Variants in ARHGEF18 observed in about 807,000 individuals in gnomAD.
The protein encoded by ARHGEF18 is rho guanine nucleotide exchange factor 18.
A neutral mutation model predicts 155.7 loss-of-function variants in ARHGEF18; 93 were observed. The observed-to-expected ratio is 0.60, with a 90% CI of 0.50 to 0.71. The LOEUF (loss-of-function observed/expected upper bound fraction) is 0.71, where lower values mean the gene tolerates loss of function less well. ARHGEF18 is among the 30% of genes least tolerant of loss of function. The pLI, the probability that ARHGEF18 is intolerant of heterozygous loss-of-function variation, is 0.00. For missense variants in ARHGEF18, 1,593 were observed against 1,816.1 expected (o/e 0.88, Z 2.23); for synonymous variants, 742 against 753.1 (o/e 0.99, Z 0.24).
At chr19:7,446,878 A>G (rs1975025985) in intron 14 of ARHGEF18, among the ~76,000 whole-genome samples, 165 bp from the exon 15 acceptor site, 1 of 150,386 alleles carries the variant, frequency 6.6e-6, no homozygotes, top group Admixed American at 6.6e-5. Flanking sequence ...CCTGAGCCAC[A>G]GAGCAAGATG....
chr19:7,375,687 G>T (rs1970430529), intron 3 of ARHGEF18, 33 bp from the exon 4 acceptor site: 22 of 1,233,858 alleles, frequency 1.8e-5, no homozygotes, highest in Non-Finnish European at 1.4e-5. Context: ...GGCAAGACCT[G>T]CTGAAGCCCC....
downstream of ARHGEF18, among the ~76,000 whole-genome samples, chr19:7,473,852 G>A (rs1205696381): frequency 1.0e-4 from 15 of 149,988 alleles, no homozygotes; most frequent in East Asian, 2.0e-4. Flanking sequence ...GTATGGTGGC[G>A]TGCACCTGTA....
In ARHGEF18 at chr19:7,431,529, A is replaced by AAAG. The variant is rs1555718292; in HGVS notation, c.968-8813_968-8812insGAA. Among the ~76,000 whole-genome samples, 8 of 146,962 alleles carry AAAG rather than the reference A, an allele frequency of 5.4e-5. No homozygotes were observed. The East Asian group carries it at 1.0e-3, about 19-fold the overall frequency. ...CCATCTCAAAAAAAAAAAAAAAAAAAAAAAGGCCGGGCTCAGTGGCTCACG... is the reference window on the plus strand; with the variant it reads ...CCATCTCAAAAAAAAAAAAAAAAAAAAAGAAAAGGCCGGGCTCAGTGGCTCACG... On this transcript the variant is annotated intron_variant, in intron 10 of 28. Coordinates refer to ENST00000668164, the MANE Select transcript of ARHGEF18 (RefSeq NM_001367823.1).
rs763556587 is a variant in ARHGEF18, at chr19:7,464,713, G to C, written c.2904+23G>C. ...GTGGTACGTGGATATCCATTTGCTC[G>C]GTACAGTCTGAGTCGTCATAAGGAT... On this transcript the variant is annotated intron_variant, in intron 23 of 28. Coordinates refer to ENST00000668164, the MANE Select transcript of ARHGEF18 (RefSeq NM_001367823.1). The C allele has an allele frequency of 1.7e-5, 28 of 1,613,142 alleles. 1 individual carries two copies.
At chr19:7,428,996 G>A (rs919315532) in intron 10 of ARHGEF18, among the ~76,000 whole-genome samples, 4 of 152,230 alleles carry the variant, frequency 2.6e-5, no homozygotes, top group Non-Finnish European at 4.4e-5. Context: ...GTGGTGAGCT[G>A]TAAAGGAAGC....
chr19:7,430,331 G>A (rs929745689), intron 10 of ARHGEF18, among the ~76,000 whole-genome samples: 5 of 151,502 alleles, frequency 3.3e-5, no homozygotes, highest in Admixed American at 3.3e-4. Context: ...CCTCCCGAGT[G>A]CTCAGGACTA....
chr19:7,424,346 G>T (rs1480340323), intron 10 of ARHGEF18, among the ~76,000 whole-genome samples: 2 of 152,056 alleles, frequency 1.3e-5, no homozygotes, highest in South Asian at 2.1e-4. Context: ...TCTTGAGCTA[G>T]ATTTTCTTGC....
chr19:7,367,977 A>AAGAGAG lies in ARHGEF18; in HGVS notation c.16-4816_16-4811dup, dbSNP rs537429456. Reference sequence around the variant, plus strand: ...CTGGAAAGAAGGAAGAAAGGAAAGAAAGAGAGAGAGAGAGAGAGAGAGAGG... The same window carrying AAGAGAG: ...CTGGAAAGAAGGAAGAAAGGAAAGAAAGAGAGAGAGAGAGAGAGAGAGAGAGAGAGG... On this transcript the variant is annotated intron_variant, in intron 2 of 28. Transcript: ENST00000668164. 9.3e-3 allele frequency among the ~76,000 whole-genome samples: 622 copies of AAGAGAG among 66,762 alleles called. 17 individuals are homozygous for AAGAGAG. The highest frequency in any genetic ancestry group is 0.032 in the African/African-American group (418 of 13,102). The allele number at this position is 66,762 out of a possible 152,430, so 43.8% of individuals were successfully genotyped here.
rs1328339296 is a variant in ARHGEF18, at chr19:7,467,119, G to A, written c.3009+1G>A. The A allele has an allele frequency of 6.3e-7, 1 of 1,598,130 alleles. No individual in the cohort carries two copies. Among genetic ancestry groups the A allele is most frequent in the South Asian group, 1.1e-5 (1 of 90,146 alleles). ...GTCCCAGCTGCTCCTGAACCTTCAG[G>A]TACAGGGGCGGGGTGGGGCCGGCCA... On this transcript the variant is annotated splice_donor_variant, in intron 25 of 28. Transcript: ENST00000668164. LOFTEE classifies it high-confidence loss of function.
chr19:7,450,979 A>G (rs1427176029), intron 15 of ARHGEF18, among the ~76,000 whole-genome samples, 170 bp from the exon 16 acceptor site: 2 of 151,888 alleles, frequency 1.3e-5, no homozygotes. Context: ...CGTTTCCGAG[A>G]TGTTAATGCA....
chr19:7,373,132 G>A, intron 3 of ARHGEF18, 61 bp downstream of exon 3: 1 of 1,233,312 alleles, frequency 8.1e-7, no homozygotes, highest in Non-Finnish European at 1.0e-6. Context: ...AAGAGGTCCA[G>A]AAGGCCAGAG....
In ARHGEF18 at chr19:7,368,325, G is replaced by C. The variant is rs1970037074; in HGVS notation, c.16-4487G>C. On this transcript the variant is annotated intron_variant, in intron 2 of 28. Transcript: ENST00000668164. ...ATCCCCCAAGGCTCCCCCAGGTCTA[G>C]GGAACAGGAGCCTGGATTTATAGCA... is the stretch of plus-strand genomic sequence containing the variant. Among the ~76,000 whole-genome samples the C allele has an allele frequency of 6.6e-5, 10 of 152,254 alleles. No homozygotes were observed. The South Asian group carries it at 2.1e-3, about 32-fold the overall frequency.
chr19:7,450,989 A>T (rs34002426), intron 15 of ARHGEF18, among the ~76,000 whole-genome samples, 160 bp from the exon 16 acceptor site: 1 of 38,906 alleles, frequency 2.6e-5, no homozygotes, highest in Non-Finnish European at 5.6e-5. Context: ...ATGTTAATGC[A>T]GGATCTTGCT....
Position 7,468,833 on chromosome 19 carries a change from C to G in ARHGEF18, c.3489C>G (p.Pro1163=). ...TGCTGTTGTCCCCTCAGGCCCAGCC[C>G]CCAAGCCACCCTCCCAGCTTCAACG... ...LPPDTLAEAQ[P]PSHPPSFNGE... The change falls in exon 27 of 29, where the codon CCC becomes CCG. Residue 1163 remains proline (P), a synonymous_variant. Transcript: ENST00000668164. The G allele has an allele frequency of 6.4e-7, 1 of 1,556,072 alleles. No homozygotes were observed. Among genetic ancestry groups the G allele is most frequent in the Non-Finnish European group, 8.7e-7 (1 of 1,146,802 alleles).
In ARHGEF18 at chr19:7,456,337, T is replaced by C. The variant is rs1222991982; in HGVS notation, c.2115T>C (p.Ala705=). 5.6e-6 allele frequency: 9 copies of C among 1,614,092 alleles called. No homozygotes were observed. Among genetic ancestry groups the C allele is most frequent in the Non-Finnish European group, 7.6e-6 (9 of 1,180,020 alleles). Residue 705 remains alanine (A), a synonymous_variant, in exon 18 of 29, where the codon GCT becomes GCC. Coordinates refer to ENST00000668164, the MANE Select transcript of ARHGEF18 (RefSeq NM_001367823.1). ...ATGCTGTTTTCCCAGATATCCTGGC[T>C]ATCCTGCTGACCGACGTACTTTTGC... ...TTSGRLKDIL[A]ILLTDVLLLL...
intron 2 of ARHGEF18, 92 bp downstream of exon 2, chr19:7,362,997 T>G (rs922835222): frequency 8.2e-7 from 1 of 1,215,682 alleles, no homozygotes; most frequent in Admixed American, 4.2e-5. Flanking sequence ...CCAGGCACTT[T>G]GTGTACATTA....
the ARHGEF18 span, chr19:7,478,319 G>T: frequency 6.2e-7 from 1 of 1,611,016 alleles, no homozygotes; most frequent in Non-Finnish European, 8.5e-7. Flanking sequence ...CCTACCTGGT[G>T]AAGGGCGCCG....
chr19:7,416,594 A>T (rs1166478720), intron 10 of ARHGEF18, among the ~76,000 whole-genome samples: 6 of 97,914 alleles, frequency 6.1e-5, no homozygotes, highest in East Asian at 3.2e-4. Context: ...GGTGGATGAT[A>T]TTTTATTTGG....
chr19:7,473,272 AG>A (rs764192204), downstream of ARHGEF18: 37 of 456,246 alleles, frequency 8.1e-5, no homozygotes, highest in African/African-American at 7.4e-4. Flanking sequence ...CTAGCTCACT[AG>A]GAAGCGCAAA....
Sources: allele counts gnomAD v4.1 joint callset (sites outside exome capture counted in the v4.1 genomes callset), GRCh38; gene constraint gnomAD v4.1.1; transcripts MANE v1.5; gene names NCBI Gene and HGNC (gene_info 2026-07-23, HGNC 2026-07-21).